The following ST8SIA2 variants were observed in gnomAD, a reference collection of about 807,000 sequenced individuals.
ST8SIA2 encodes alpha-2,8-sialyltransferase 8B.
A neutral mutation model predicts 37.6 loss-of-function variants in ST8SIA2; 22 were observed. The observed-to-expected ratio is 0.58, with a 90% confidence interval of 0.42 to 0.83. ST8SIA2 has a LOEUF of 0.83. Ranked by LOEUF, ST8SIA2 falls within the 40% of genes least tolerant of loss-of-function variation. The pLI is 0.00. For missense variants in ST8SIA2, 382 were observed against 484.7 expected (o/e 0.79, Z 1.99); for synonymous variants, 205 against 201.2 (o/e 1.02, Z -0.16).
rs918339200 is a variant in ST8SIA2 at position 92,438,353 on chromosome 15, G to A, written c.291G>A (p.Arg97=). The A allele has an allele frequency of 1.9e-6, 3 of 1,614,222 alleles. No homozygotes were observed. Among genetic ancestry groups the A allele is most frequent in the Non-Finnish European group, 8.5e-7 (1 of 1,180,040 alleles). ...CCTCACGCATGTTTGGTTTTCACAG[G>A]AAGCAGATTTTAAAGTTCTTGGATG... The part of the protein sequence containing the change: ...RHNQTLSLRI[R]KQILKFLDAE... Residue 97 remains arginine (R), a splice_region_variant and synonymous_variant, in exon 4 of 6, where the codon AGG becomes AGA. Coordinates refer to ENST00000268164, the MANE Select transcript of ST8SIA2 (RefSeq NM_006011.4).
chr15:92,448,584 G>A (rs1185274702), intron 5 of ST8SIA2, among the ~76,000 whole-genome samples: 1 of 152,206 alleles, frequency 6.6e-6, no homozygotes, highest in African/African-American at 2.4e-5. Flanking sequence ...GACTGGCTTG[G>A]TTGTATCACC....
intron 5 of ST8SIA2, among the ~76,000 whole-genome samples, chr15:92,450,060 G>T (rs1304048616): frequency 6.6e-6 from 1 of 152,136 alleles, no homozygotes; most frequent in African/African-American, 2.4e-5. Context: ...GGTCTTTTAA[G>T]TATGACACCA....
intron 1 of ST8SIA2, among the ~76,000 whole-genome samples, chr15:92,417,872 A>G (rs1348203095): frequency 6.6e-6 from 1 of 152,160 alleles, no homozygotes; most frequent in Non-Finnish European, 1.5e-5. Context: ...ATGTGAGCGG[A>G]GAGTCTAGCT....
chr15:92,416,537 C>A (rs947708949), intron 1 of ST8SIA2, among the ~76,000 whole-genome samples: 7 of 152,080 alleles, frequency 4.6e-5, no homozygotes, highest in Non-Finnish European at 8.8e-5. Flanking sequence ...CAAAGAAAAC[C>A]CGGAGAAAGT....
chr15:92,436,303 C>T (rs1273269554), intron 3 of ST8SIA2, among the ~76,000 whole-genome samples: 1 of 152,056 alleles, frequency 6.6e-6, no homozygotes, highest in African/African-American at 2.4e-5. Flanking sequence ...CCATGGTCCC[C>T]AATGTCCCTT....
chr15:92,402,285 G>A (rs368269098), intron 1 of ST8SIA2, among the ~76,000 whole-genome samples: 1 of 152,164 alleles, frequency 6.6e-6, no homozygotes, highest in East Asian at 1.9e-4. Flanking sequence ...GTCATATTTT[G>A]TCTGTGTCTG....
chr15:92,411,656 C>T (rs1263234490), intron 1 of ST8SIA2, among the ~76,000 whole-genome samples: 1 of 152,064 alleles, frequency 6.6e-6, no homozygotes, highest in African/African-American at 2.4e-5. Flanking sequence ...GCAGAACCAC[C>T]CCTCTTTCAT....
intron 1 of ST8SIA2, among the ~76,000 whole-genome samples, chr15:92,419,790 A>T (rs1037946536): frequency 2.0e-5 from 3 of 152,166 alleles, no homozygotes; most frequent in African/African-American, 7.2e-5. Flanking sequence ...CTGGGTTTTA[A>T]TTGCTTTGGT....
At chr15:92,449,164 CCTT>C (rs2049864212) in intron 5 of ST8SIA2, among the ~76,000 whole-genome samples, 1 of 152,118 alleles carries the variant, frequency 6.6e-6, no homozygotes, top group African/African-American at 2.4e-5. Context: ...TTCCCCATTC[CCTT>C]CTTCTCCAGT....
chr15:92,467,901 C>T lies in ST8SIA2; in HGVS notation c.*3516C>T, dbSNP rs149298697. The T allele has an allele frequency of 6.6e-6, 1 of 152,564 alleles. No individual in the cohort carries two copies. Among genetic ancestry groups the T allele is most frequent in the Middle Eastern group, 3.4e-3 (1 of 294 alleles). The allele number at this position is 152,564 out of a possible 1,614,324, so 9.5% of individuals were successfully genotyped here. ...ATTACACCCGCTGGAGGGACACTCA[C>T]CCCATCTGCTCCCACGGCAGCACCA... On this transcript the variant is annotated 3_prime_UTR_variant, in exon 6 of 6. Transcript: ENST00000268164.
chr15:92,439,954 G>C (rs555704413), intron 4 of ST8SIA2, among the ~76,000 whole-genome samples: 31 of 152,096 alleles, frequency 2.0e-4, no homozygotes, highest in Non-Finnish European at 4.1e-4. Flanking sequence ...GGGGAGGCGG[G>C]GGGGTGGCTG....
At chr15:92,427,189 C>T (rs974153534) in intron 1 of ST8SIA2, among the ~76,000 whole-genome samples, 6 of 148,044 alleles carry the variant, frequency 4.1e-5, no homozygotes, top group African/African-American at 1.5e-4. Flanking sequence ...CATCATGTTA[C>T]GCATAGTATA....
chr15:92,457,971 C>T (rs967778781), intron 5 of ST8SIA2, among the ~76,000 whole-genome samples: 1 of 152,216 alleles, frequency 6.6e-6, no homozygotes, highest in African/African-American at 2.4e-5. Context: ...CAGCTGGCCG[C>T]AGTTACAAAG....
At chr15:92,421,282 T>A (rs1417755530) in intron 1 of ST8SIA2, 1 of 152,152 alleles carries the variant, frequency 6.6e-6, no homozygotes, top group Non-Finnish European at 1.5e-5. Flanking sequence ...ACCAGAAGGA[T>A]GTCATCAGGC....
intron 1 of ST8SIA2, among the ~76,000 whole-genome samples, chr15:92,398,634 G>T (rs761979744): frequency 6.6e-6 from 1 of 152,144 alleles, no homozygotes; most frequent in East Asian, 1.9e-4. Flanking sequence ...ACATTTGCTG[G>T]ATCCTCACCA....
At chr15:92,407,999 A>G (rs2049520617) in intron 1 of ST8SIA2, among the ~76,000 whole-genome samples, 1 of 152,092 alleles carries the variant, frequency 6.6e-6, no homozygotes, top group Non-Finnish European at 1.5e-5. Context: ...CTTCTCCCCG[A>G]TAGTCATTAT....
At chr15:92,443,155 C>T (rs2049815333) in intron 4 of ST8SIA2, among the ~76,000 whole-genome samples, 1 of 152,216 alleles carries the variant, frequency 6.6e-6, no homozygotes, top group African/African-American at 2.4e-5. Flanking sequence ...TGGATTTCTT[C>T]GTTTGATGAT....
In ST8SIA2 at chr15:92,438,656, CTG is replaced by C. The variant is rs778881007; in HGVS notation, c.548+50_548+51del. The C allele has an allele frequency of 9.1e-6, 14 of 1,541,414 alleles. No homozygotes were observed. In the South Asian group the frequency reaches 1.5e-4, roughly 17 times the overall value. ...CTCTGGGGCCAGAGCGGCGGGCAGGCTGTGTTTCAGTGGAGCATTGCCAGCTG... is the reference window on the plus strand; with the variant it reads ...CTCTGGGGCCAGAGCGGCGGGCAGGCTGTTTCAGTGGAGCATTGCCAGCTG... On this transcript the variant is annotated intron_variant, in intron 4 of 5. Transcript: ENST00000268164.
chr15:92,459,982 G>A (rs939003700), intron 5 of ST8SIA2, among the ~76,000 whole-genome samples: 8 of 152,260 alleles, frequency 5.3e-5, no homozygotes, highest in South Asian at 2.1e-4. Context: ...CTGGCTACCC[G>A]TCACGATGCC....
Sources: allele counts gnomAD v4.1 joint callset (sites outside exome capture counted in the v4.1 genomes callset), GRCh38; gene constraint gnomAD v4.1.1; transcripts MANE v1.5; gene names NCBI Gene and HGNC (gene_info 2026-07-23, HGNC 2026-07-21).